Variants in NEGR1 observed in about 807,000 individuals in gnomAD.
NEGR1 encodes the protein IgLON family member 4.
A neutral mutation model predicts 40.9 loss-of-function variants in NEGR1; 10 were observed. The observed-to-expected ratio is 0.24, with a 90% CI of 0.15 to 0.42. NEGR1 has a LOEUF of 0.42. Ranked by LOEUF, NEGR1 falls within the 10% of genes least tolerant of loss-of-function variation. NEGR1 has a pLI of 1.00. For missense variants in NEGR1, 352 were observed against 438.9 expected, an observed-to-expected ratio of 0.80 and a Z score of 1.77; for synonymous variants, 185 against 166.8, an observed-to-expected ratio of 1.11 and a Z score of -0.84.
chr1:72,239,276 C>T (rs1163241772), intron 1 of NEGR1, among the ~76,000 whole-genome samples: 1 of 151,742 alleles, frequency 6.6e-6, no homozygotes, highest in Non-Finnish European at 1.5e-5. Context: ...TATCAAACTG[C>T]AAATAAAGGC....
At chr1:71,744,035 A>C (rs1251617186) in intron 3 of NEGR1, among the ~76,000 whole-genome samples, 1 of 152,104 alleles carries the variant, frequency 6.6e-6, no homozygotes, top group Admixed American at 6.6e-5. Context: ...AGATGACCCG[A>C]GGATTAATTA....
chr1:71,806,278 T>G (rs1557659377), intron 2 of NEGR1, among the ~76,000 whole-genome samples: 2 of 152,010 alleles, frequency 1.3e-5, no homozygotes, highest in Admixed American at 6.5e-5. Context: ...CTCCTGAAGT[T>G]AAGCACCATG....
At chr1:71,939,369 T>C (rs898778264) in intron 1 of NEGR1, among the ~76,000 whole-genome samples, 5 of 152,182 alleles carry the variant, frequency 3.3e-5, no homozygotes, top group Admixed American at 6.6e-5. Flanking sequence ...ATTTGGTTGC[T>C]TCTATATATT....
At chr1:72,136,932 G>A (rs1460138250) in intron 1 of NEGR1, among the ~76,000 whole-genome samples, 3 of 152,026 alleles carry the variant, frequency 2.0e-5, no homozygotes, top group South Asian at 2.1e-4. Flanking sequence ...AAAAGTGGAC[G>A]AAGGATATTA....
intron 1 of NEGR1, among the ~76,000 whole-genome samples, chr1:72,099,232 T>A (rs1648835581): frequency 6.6e-6 from 1 of 151,998 alleles, no homozygotes; most frequent in Non-Finnish European, 1.5e-5. Context: ...GTGTTATCAC[T>A]CAGATTTTAA....
At chr1:71,966,790 T>A (rs1004065578) in intron 1 of NEGR1, among the ~76,000 whole-genome samples, 2 of 152,034 alleles carry the variant, frequency 1.3e-5, no homozygotes, top group Non-Finnish European at 2.9e-5. Context: ...TGGTAACTTC[T>A]CCCCTCTGAT....
intron 2 of NEGR1, among the ~76,000 whole-genome samples, chr1:71,818,895 T>C (rs1406626519): frequency 2.0e-5 from 3 of 151,966 alleles, no homozygotes; most frequent in Admixed American, 6.6e-5. Flanking sequence ...TTTTAACATG[T>C]TACTACTAGA....
At chr1:71,757,819 A>T (rs1366311519) in intron 3 of NEGR1, among the ~76,000 whole-genome samples, 1 of 152,128 alleles carries the variant, frequency 6.6e-6, no homozygotes, top group Non-Finnish European at 1.5e-5. Flanking sequence ...GCAATCATTA[A>T]CTTGCATTTA....
intron 1 of NEGR1, among the ~76,000 whole-genome samples, chr1:72,278,705 C>T (rs916071001): frequency 6.6e-6 from 1 of 151,862 alleles, no homozygotes; most frequent in African/African-American, 2.4e-5. Flanking sequence ...GACACATTAA[C>T]TCAGATCTTC....
chr1:71,551,540 T>G lies in NEGR1; in HGVS notation c.940+41277A>C, dbSNP rs79184529. On this transcript the variant is annotated intron_variant, in intron 6 of 6. Coordinates refer to ENST00000357731, the MANE Select transcript of NEGR1 (RefSeq NM_173808.3). ...TTCTTGCACTTATTTATATTTAAGA[T>G]CTTAGGTAAATTATTTAACTTTGTT... Among the ~76,000 whole-genome samples, 899 of 151,762 alleles carry G rather than the reference T, an allele frequency of 5.9e-3. 9 individuals carry two copies. The highest frequency in any genetic ancestry group is 0.021 in the African/African-American group (858 of 41,476).
intron 2 of NEGR1, among the ~76,000 whole-genome samples, chr1:71,805,941 A>C (rs1308548883): frequency 6.6e-6 from 1 of 152,240 alleles, no homozygotes; most frequent in Non-Finnish European, 1.5e-5. Context: ...ATATGAAGTA[A>C]GGATTTCAAT....
intron 2 of NEGR1, among the ~76,000 whole-genome samples, chr1:71,928,003 AAAATAAAT>A (rs1338435575): frequency 4.7e-5 from 6 of 128,386 alleles, no homozygotes; most frequent in Admixed American, 1.8e-4. Flanking sequence ...GTCTCAGGAA[AAAATAAAT>A]AAATAAATAA....
At chr1:71,804,347 T>A (rs1657674089) in intron 2 of NEGR1, among the ~76,000 whole-genome samples, 1 of 152,164 alleles carries the variant, frequency 6.6e-6, no homozygotes. Context: ...AGTGCAGTTC[T>A]AAGGGATCTG....
chr1:71,978,796 G>A (rs907820485), intron 1 of NEGR1, among the ~76,000 whole-genome samples: 2 of 152,012 alleles, frequency 1.3e-5, no homozygotes, highest in African/African-American at 4.8e-5. Context: ...GAAGTTCGGC[G>A]ATTCCTCAAA....
intron 6 of NEGR1, among the ~76,000 whole-genome samples, chr1:71,430,969 G>C (rs1044041601): frequency 6.6e-6 from 1 of 151,698 alleles, no homozygotes; most frequent in Non-Finnish European, 1.5e-5. Flanking sequence ...CCGTGGTCTC[G>C]ATCTCCTGAC....
chr1:72,062,312 C>T (rs1052081898), intron 1 of NEGR1, among the ~76,000 whole-genome samples: 1 of 151,866 alleles, frequency 6.6e-6, no homozygotes, highest in African/African-American at 2.4e-5. Context: ...CAGAATCCTC[C>T]AGGCAGAATT....
At chr1:72,214,973 T>C (rs1196510188) in intron 1 of NEGR1, among the ~76,000 whole-genome samples, 1 of 151,568 alleles carries the variant, frequency 6.6e-6, no homozygotes, top group East Asian at 1.9e-4. Context: ...CAAACTACAA[T>C]GTTACAGTAA....
chr1:71,513,749 G>T (rs1647094092), intron 6 of NEGR1, among the ~76,000 whole-genome samples: 1 of 152,134 alleles, frequency 6.6e-6, no homozygotes. Context: ...AACAGCTCCG[G>T]TCTACAGCTC....
chr1:71,918,779 A>G (rs912914342), intron 2 of NEGR1, among the ~76,000 whole-genome samples: 3 of 152,000 alleles, frequency 2.0e-5, no homozygotes, highest in Non-Finnish European at 4.4e-5. Flanking sequence ...TCAGGCCCCA[A>G]TTTGCTAATA....
Sources: allele counts gnomAD v4.1 joint callset (sites outside exome capture counted in the v4.1 genomes callset), GRCh38; gene constraint gnomAD v4.1.1; transcripts MANE v1.5; gene names NCBI Gene and HGNC (gene_info 2026-07-23, HGNC 2026-07-21).